LRP1B: variants seen among roughly 807,000 people sequenced by gnomAD.
The protein encoded by LRP1B is LDL receptor related protein 1B.
Under a neutral mutation model 556.6 loss-of-function variants are expected in LRP1B, and 217 were observed. The observed-to-expected ratio is 0.39, with a 90% CI of 0.35 to 0.44. The LOEUF is 0.44. Ranked by LOEUF, LRP1B falls within the 20% of genes least tolerant of loss-of-function variation. The pLI is 1.00. For synonymous variants in LRP1B, 2,047 were observed against 1,865.8 expected (o/e 1.10, Z -2.50); for missense variants, 5,053 against 5,620.8 (o/e 0.90, Z 3.23).
intron 18 of LRP1B, among the ~76,000 whole-genome samples, chr2:140,959,946 C>T (rs1459654543): frequency 2.0e-5 from 3 of 151,592 alleles, no homozygotes; most frequent in South Asian, 4.2e-4. Flanking sequence ...ACTTCAGGGC[C>T]CTGAAGTAGT....
At chr2:141,652,846 A>T (rs2105382083) in intron 2 of LRP1B, among the ~76,000 whole-genome samples, 1 of 152,216 alleles carries the variant, frequency 6.6e-6, no homozygotes, top group African/African-American at 2.4e-5. Flanking sequence ...ACACCAAGAG[A>T]AGAATGTCTA....
At chr2:141,172,901 C>A (rs1025416799) in intron 7 of LRP1B, among the ~76,000 whole-genome samples, 4 of 152,006 alleles carry the variant, frequency 2.6e-5, no homozygotes, top group African/African-American at 9.7e-5. Context: ...GCAGAACTTT[C>A]ATCCAGTAGT....
At chr2:140,538,556 C>T (rs893731772) in intron 45 of LRP1B, among the ~76,000 whole-genome samples, 11 of 119,704 alleles carry the variant, frequency 9.2e-5, no homozygotes, top group African/African-American at 3.1e-4. Context: ...CAACATGTTC[C>T]AAAGATATAT....
intron 7 of LRP1B, among the ~76,000 whole-genome samples, chr2:141,171,836 G>T (rs190685851): frequency 6.6e-6 from 1 of 152,034 alleles, no homozygotes; most frequent in Non-Finnish European, 1.5e-5. Flanking sequence ...TGAAGATTGC[G>T]TGGATCAATG....
chr2:140,434,307 T>C (rs531050624), intron 66 of LRP1B, among the ~76,000 whole-genome samples: 1 of 152,094 alleles, frequency 6.6e-6, no homozygotes, highest in East Asian at 1.9e-4. Context: ...TGACCTCAGG[T>C]GATCCATCCA....
At chr2:141,940,128 TAGTGACAG>T (rs1428442797) in intron 1 of LRP1B, among the ~76,000 whole-genome samples, 7 of 152,190 alleles carry the variant, frequency 4.6e-5, no homozygotes, top group African/African-American at 1.4e-4. Flanking sequence ...CTACAATGAT[TAGTGACAG>T]AGTAAGAGAA....
intron 1 of LRP1B, among the ~76,000 whole-genome samples, chr2:142,039,540 G>A (rs1393805902): frequency 6.6e-6 from 1 of 151,438 alleles, no homozygotes; most frequent in Non-Finnish European, 1.5e-5. Flanking sequence ...TTAAAATAAG[G>A]CAGTAAATAC....
chr2:140,758,141 C>G (rs1688798778), intron 35 of LRP1B, among the ~76,000 whole-genome samples: 1 of 151,804 alleles, frequency 6.6e-6, no homozygotes, highest in Non-Finnish European at 1.5e-5. Context: ...AAATTTACAG[C>G]CAAAACTTAG....
intron 15 of LRP1B, among the ~76,000 whole-genome samples, chr2:141,003,915 T>C (rs1294666503): frequency 6.6e-6 from 1 of 152,066 alleles, no homozygotes; most frequent in Non-Finnish European, 1.5e-5. Flanking sequence ...GATATATCAT[T>C]ATAAGAAACT....
At chr2:140,864,533 CAA>C (rs1487626960) in intron 27 of LRP1B, among the ~76,000 whole-genome samples, 1 of 151,986 alleles carries the variant, frequency 6.6e-6, no homozygotes, top group Non-Finnish European at 1.5e-5. Context: ...ATTTATATTA[CAA>C]AGTCATAATC....
intron 1 of LRP1B, among the ~76,000 whole-genome samples, chr2:141,873,575 T>C (rs1009993263): frequency 6.6e-6 from 1 of 151,980 alleles, no homozygotes; most frequent in Non-Finnish European, 1.5e-5. Context: ...TATGTGTCTG[T>C]GTTCCACTAC....
At position 140,684,588 on chromosome 2, in the gene LRP1B, C is replaced by T. The variant is rs924193497; in HGVS notation, c.6799+15662G>A. ...GCCATTTTCAGATATTCATAGATTA[C>T]AGATACATTTTGTTTTTAGCTATCA... On this transcript the variant is annotated intron_variant, in intron 41 of 90. Transcript: ENST00000389484. 2.6e-5 allele frequency among the ~76,000 whole-genome samples: 4 copies of T among 152,200 alleles called. No homozygotes were observed. In the East Asian group the frequency reaches 7.7e-4, roughly 29 times the overall value.
chr2:141,774,088 T>A (rs1694983165), intron 2 of LRP1B, among the ~76,000 whole-genome samples: 1 of 152,238 alleles, frequency 6.6e-6, no homozygotes, highest in African/African-American at 2.4e-5. Context: ...TTCACCACTT[T>A]GGCAGAAATC....
chr2:141,609,968 C>A (rs1033192623), intron 2 of LRP1B, among the ~76,000 whole-genome samples: 1 of 152,098 alleles, frequency 6.6e-6, no homozygotes, highest in African/African-American at 2.4e-5. Flanking sequence ...TAAATCAATA[C>A]CTAATGGTGA....
chr2:141,104,812 A>G (rs908198508), intron 7 of LRP1B, among the ~76,000 whole-genome samples: 1 of 152,016 alleles, frequency 6.6e-6, no homozygotes, highest in South Asian at 2.1e-4. Context: ...TGGATTTTCT[A>G]CAGCTAATTT....
At chr2:141,336,940 A>T (rs935908375) in intron 3 of LRP1B, among the ~76,000 whole-genome samples, 2 of 152,156 alleles carry the variant, frequency 1.3e-5, no homozygotes, top group African/African-American at 2.4e-5. Context: ...TGGTTTATCC[A>T]TTGAAGGGCA....
chr2:141,065,130 G>C (rs1699444218), intron 7 of LRP1B, among the ~76,000 whole-genome samples: 1 of 151,776 alleles, frequency 6.6e-6, no homozygotes, highest in African/African-American at 2.4e-5. Flanking sequence ...TAATTTTTAA[G>C]AATAGTAGAA....
intron 2 of LRP1B, among the ~76,000 whole-genome samples, chr2:141,703,798 G>A (rs972672455): frequency 6.6e-6 from 1 of 151,894 alleles, no homozygotes; most frequent in Non-Finnish European, 1.5e-5. Context: ...CTGGCAGGGG[G>A]TTACATCGGC....
chr2:141,256,748 T>C (rs543202114), intron 3 of LRP1B, among the ~76,000 whole-genome samples: 1 of 152,118 alleles, frequency 6.6e-6, no homozygotes, highest in Non-Finnish European at 1.5e-5. Flanking sequence ...TTTGATTATG[T>C]TTAGCTTAAA....
Sources: gnomAD v4.1 joint callset for allele counts (sites outside exome capture counted in the v4.1 genomes callset) on GRCh38, gnomAD v4.1.1 for gene constraint, MANE v1.5 for transcripts, NCBI Gene and HGNC (gene_info 2026-07-23, HGNC 2026-07-21) for gene names.